DCLK2: variants seen among roughly 807,000 people sequenced by gnomAD.
The protein encoded by DCLK2 is doublecortin like kinase 2.
In DCLK2, 31 loss-of-function variants were observed where a neutral mutation model predicts 78.4. The observed-to-expected ratio is 0.40, with a 90% CI of 0.30 to 0.53. The LOEUF (loss-of-function observed/expected upper bound fraction) is 0.53. DCLK2 is among the 20% of genes least tolerant of loss of function. The probability of loss-of-function intolerance (pLI) is 0.61; values close to 1 mark genes in which losing one functional copy is unlikely to be tolerated. For synonymous variants in DCLK2, 407 were observed against 374.9 expected, an observed-to-expected ratio of 1.09 and a Z score of -0.99; for missense variants, 872 against 973.7, an observed-to-expected ratio of 0.90 and a Z score of 1.39.
At chr4:150,157,972 T>G (rs1735436733) in intron 2 of DCLK2, among the ~76,000 whole-genome samples, 1 of 152,208 alleles carries the variant, frequency 6.6e-6, no homozygotes, top group Admixed American at 6.5e-5. Flanking sequence ...TAGTAAGGGT[T>G]GAACTTTGGA....
chr4:150,212,936 C>G (rs1017917460), intron 5 of DCLK2, among the ~76,000 whole-genome samples: 4 of 152,138 alleles, frequency 2.6e-5, no homozygotes, highest in Admixed American at 1.3e-4. Context: ...GTAGTAGCCT[C>G]CATAGTTATA....
At chr4:150,141,951 G>A (rs1283055360) in intron 2 of DCLK2, among the ~76,000 whole-genome samples, 3 of 152,106 alleles carry the variant, frequency 2.0e-5, no homozygotes, top group Non-Finnish European at 2.9e-5. Flanking sequence ...CTACTTTGAA[G>A]TTTAATGCTT....
chr4:150,129,043 A>G (rs1733109003), intron 2 of DCLK2, among the ~76,000 whole-genome samples: 1 of 152,164 alleles, frequency 6.6e-6, no homozygotes, highest in Non-Finnish European at 1.5e-5. Flanking sequence ...ATTTTTCACT[A>G]GCATATACCT....
At chr4:150,204,965 A>ATGTGTCATGTATG (rs1172450248) in intron 5 of DCLK2, among the ~76,000 whole-genome samples, 9 of 152,066 alleles carry the variant, frequency 5.9e-5, no homozygotes, top group African/African-American at 1.9e-4. Flanking sequence ...GAGAATACTG[A>ATGTGTCATGTATG]TGTATACACA....
At chr4:150,206,277 G>A (rs867989564) in intron 5 of DCLK2, among the ~76,000 whole-genome samples, 6 of 152,076 alleles carry the variant, frequency 3.9e-5, no homozygotes, top group South Asian at 4.2e-4. Context: ...GAGACATTAA[G>A]TAAAATTGTT....
intron 15 of DCLK2, chr4:150,253,369 G>C: frequency 8.4e-7 from 1 of 1,197,116 alleles, no homozygotes. Context: ...CTCATCCCCA[G>C]AGCTGGGGCC....
chr4:150,247,811 A>G, intron 13 of DCLK2, 112 bp downstream of exon 13: 1 of 789,818 alleles, frequency 1.3e-6, no homozygotes, highest in Non-Finnish European at 2.0e-6. Context: ...TTGGCTTTTA[A>G]TGTGTGGTTC....
At chr4:150,195,881 A>G (rs1449318673) in intron 3 of DCLK2, among the ~76,000 whole-genome samples, 2 of 152,088 alleles carry the variant, frequency 1.3e-5, no homozygotes, top group Non-Finnish European at 2.9e-5. Flanking sequence ...GCATTATAAT[A>G]TAATATATGT....
chr4:150,247,609 C>A lies in DCLK2; in HGVS notation c.1785C>A (p.Asn595Lys), dbSNP rs746149168. The change falls in exon 13 of 16, where the codon AAC (asparagine) becomes AAA (lysine). Residue 595 changes from asparagine to lysine, a missense_variant. Physicochemically the swap from Asn to Lys is moderately conservative, Grantham distance 94. Around this residue, in one of 3 missense-constraint regions of DCLK2, gnomAD observed 219 missense variants for 230.1 expected, o/e 0.95. Coordinates refer to ENST00000296550, the MANE Select transcript of DCLK2 (RefSeq NM_001040260.4). ...LCGFPPFRSE[N>K]NLQEDLFDQI... Reference sequence around the variant, plus strand: ...TTCTTTGTCACTGGCTTAGTGAGAACAATCTCCAGGAAGATCTCTTCGACC... The same window carrying A: ...TTCTTTGTCACTGGCTTAGTGAGAAAAATCTCCAGGAAGATCTCTTCGACC... 1 of 1,613,730 alleles carries A rather than the reference C, an allele frequency of 6.2e-7. No homozygotes were observed.
At chr4:150,092,130 G>A (rs542899619) in intron 1 of DCLK2, among the ~76,000 whole-genome samples, 1 of 151,998 alleles carries the variant, frequency 6.6e-6, no homozygotes, top group African/African-American at 2.4e-5. Flanking sequence ...GTTGCATATG[G>A]CAGAATTTGC....
intron 6 of DCLK2, 57 bp downstream of exon 6, chr4:150,220,835 G>C: frequency 4.4e-6 from 6 of 1,364,952 alleles, no homozygotes; most frequent in Non-Finnish European, 6.2e-6. Flanking sequence ...GGGACTTGGT[G>C]CTCACCTAAA....
At chr4:150,244,032 C>T (rs1163956176) in intron 12 of DCLK2, among the ~76,000 whole-genome samples, 3 of 152,042 alleles carry the variant, frequency 2.0e-5, no homozygotes, top group African/African-American at 7.2e-5. Context: ...ACTCCTGGCT[C>T]AAGCAATCCT....
In DCLK2 at chr4:150,107,378, G is replaced by GTTTTTTTTTTTT. The variant is rs201080236; in HGVS notation, c.756+4572_756+4583dup. On this transcript the variant is annotated intron_variant, in intron 2 of 15. Coordinates refer to ENST00000296550, the MANE Select transcript of DCLK2 (RefSeq NM_001040260.4). ...GGTTTGTAGGGTTTTTTTGGTTATT[G>GTTTTTTTTTTTT]TTTTTTTTTTTTTTTTTGGAGACAG... Among the ~76,000 whole-genome samples the GTTTTTTTTTTTT allele has an allele frequency of 8.0e-5, 10 of 125,176 alleles. 1 individual carries two copies. Among genetic ancestry groups the GTTTTTTTTTTTT allele is most frequent in the African/African-American group, 3.2e-4 (10 of 31,712 alleles). 82.1% of individuals were successfully genotyped at this position (125,176 alleles called of 152,430 possible).
intron 2 of DCLK2, among the ~76,000 whole-genome samples, chr4:150,144,920 A>G (rs1734358184): frequency 6.6e-6 from 1 of 152,132 alleles, no homozygotes; most frequent in African/African-American, 2.4e-5. Flanking sequence ...TGATGTTGAT[A>G]ATTTGATAGA....
intron 1 of DCLK2, among the ~76,000 whole-genome samples, chr4:150,094,127 A>G (rs1229787176): frequency 6.6e-6 from 1 of 152,266 alleles, no homozygotes; most frequent in Non-Finnish European, 1.5e-5. Context: ...GAAAAGTTTC[A>G]TGACATTAGT....
Position 150,249,595 on chromosome 4 carries a change from C to A in DCLK2, c.1984C>A (p.Gln662Lys). The change falls in exon 15 of 16, where the codon CAA (glutamine) becomes AAA (lysine). Residue 662 changes from glutamine to lysine, a missense_variant. Gln to Lys is a moderately conservative substitution (Grantham distance 53). This residue lies in a region of DCLK2 where 219 missense variants were observed against 230.1 expected (regional missense o/e 0.95). Coordinates refer to ENST00000296550, the MANE Select transcript of DCLK2 (RefSeq NM_001040260.4). ...TGATGCCTCCCAGGAGAATAACATG[C>A]AAGCTGAGGTGACAGGTAAACTAAA... is the stretch of plus-strand genomic sequence containing the variant. ...SDDASQENNMQAEVTGKLKQH... is the reference protein window; with the variant it reads ...SDDASQENNMKAEVTGKLKQH... 1 of 1,613,660 alleles carries A rather than the reference C, an allele frequency of 6.2e-7. No homozygotes were observed. Among genetic ancestry groups the A allele is most frequent in the Non-Finnish European group, 8.5e-7 (1 of 1,179,946 alleles).
chr4:150,198,204 T>C (rs771177530), intron 4 of DCLK2, 101 bp downstream of exon 4: 21 of 984,868 alleles, frequency 2.1e-5, no homozygotes, highest in Non-Finnish European at 2.7e-5. Context: ...CAGGGTCGTA[T>C]GCAGCCAAGT....
At position 150,253,576 on chromosome 4, in the gene DCLK2, C is replaced by T. The variant is rs538869160; in HGVS notation, c.2074-2444C>T. The T allele has an allele frequency of 1.5e-5, 19 of 1,289,518 alleles. No individual in the cohort carries two copies. In the African/African-American group the frequency reaches 2.3e-4, roughly 15 times the overall value. The allele number at this position is 1,289,518 out of a possible 1,614,324, so 79.9% of individuals were successfully genotyped here. On this transcript the variant is annotated intron_variant, in intron 15 of 15. Coordinates refer to ENST00000296550, the MANE Select transcript of DCLK2 (RefSeq NM_001040260.4). The stretch of plus-strand genomic sequence containing the variant: ...ATCCTGGTATTCACCACGCTGCGTC[C>T]GACCAGCGCGCCCCATCCTCAGCCC...
chr4:150,123,548 G>T (rs563961961), intron 2 of DCLK2, among the ~76,000 whole-genome samples: 5 of 152,290 alleles, frequency 3.3e-5, no homozygotes, highest in Non-Finnish European at 5.9e-5. Context: ...CTGAAATATT[G>T]TGAAAATTAT....
Sources: gnomAD v4.1 joint callset for allele counts (sites outside exome capture counted in the v4.1 genomes callset) on GRCh38, gnomAD v4.1.1 for gene constraint, gnomAD v4.1.1 regional missense constraint, MANE v1.5 for transcripts, NCBI Gene and HGNC (gene_info 2026-07-23, HGNC 2026-07-21) for gene names.